The following CYP7B1 variants were observed in gnomAD, a reference collection of about 807,000 sequenced individuals.
The protein encoded by CYP7B1 is cytochrome P450 7B1.
CYP7B1 carries 29 observed loss-of-function variants against 42.7 expected under a neutral mutation model. The observed-to-expected ratio is 0.68, with a 90% CI of 0.51 to 0.93. CYP7B1 has a LOEUF of 0.93. CYP7B1 is among the 40% of genes least tolerant of loss of function. The probability of loss-of-function intolerance (pLI) is 0.00; values close to 1 mark genes in which losing one functional copy is unlikely to be tolerated. For missense variants in CYP7B1, 655 were observed against 600.5 expected (o/e 1.09, Z -0.95); for synonymous variants, 235 against 218.2 (o/e 1.08, Z -0.68).
At chr8:64,615,339 G>C (rs1805421786) in intron 3 of CYP7B1, 107 bp from the exon 4 acceptor site, 3 of 1,116,446 alleles carry the variant, frequency 2.7e-6, no homozygotes, top group Non-Finnish European at 3.9e-6. Context: ...CCAAGGATCA[G>C]TGCATGCTAA....
chr8:64,715,832 G>C (rs1043731785), intron 1 of CYP7B1, among the ~76,000 whole-genome samples: 1 of 152,212 alleles, frequency 6.6e-6, no homozygotes, highest in Non-Finnish European at 1.5e-5. Flanking sequence ...TGTAATTACA[G>C]TTGCAGGGGA....
At chr8:64,750,292 T>C (rs765767047) in intron 1 of CYP7B1, among the ~76,000 whole-genome samples, 1 of 152,156 alleles carries the variant, frequency 6.6e-6, no homozygotes, top group Admixed American at 6.6e-5. Context: ...AAGTGAGGCA[T>C]GGCAACCAAC....
In CYP7B1 at chr8:64,717,779, G is replaced by T. The variant is rs190352800; in HGVS notation, c.122+80687C>A. The stretch of plus-strand genomic sequence containing the variant: ...GGAAGATCACTTGAGCCCAGAAAGT[G>T]GAGGGTACGATAAGGTGAGATTGCA... On this transcript the variant is annotated intron_variant, in intron 1 of 5. Transcript: ENST00000310193. Among the ~76,000 whole-genome samples the T allele has an allele frequency of 2.0e-5, 3 of 152,072 alleles. No individual in the cohort carries two copies. In the East Asian group the frequency reaches 5.8e-4, roughly 29 times the overall value.
chr8:64,752,594 T>C (rs1807745798), intron 1 of CYP7B1, among the ~76,000 whole-genome samples: 1 of 152,156 alleles, frequency 6.6e-6, no homozygotes. Flanking sequence ...AGATACAGAA[T>C]GGGACTCAAG....
chr8:64,744,478 A>T (rs1807614657), intron 1 of CYP7B1, among the ~76,000 whole-genome samples: 1 of 152,206 alleles, frequency 6.6e-6, no homozygotes, highest in African/African-American at 2.4e-5. Context: ...AATTTAACAT[A>T]TTCAAGTAAA....
At chr8:64,699,234 T>G (rs1418939935) in intron 1 of CYP7B1, among the ~76,000 whole-genome samples, 1 of 152,132 alleles carries the variant, frequency 6.6e-6, no homozygotes, top group African/African-American at 2.4e-5. Context: ...TCTGAGTTGA[T>G]GGAGCCCCAG....
intron 1 of CYP7B1, among the ~76,000 whole-genome samples, chr8:64,625,853 C>CT (rs542934614): frequency 2.4e-4 from 36 of 148,612 alleles, no homozygotes; most frequent in South Asian, 1.9e-3. Context: ...TTCTTTCTTT[C>CT]TTTTTTTTTT....
At chr8:64,589,233 A>G (rs539912063), downstream of CYP7B1, among the ~76,000 whole-genome samples, 97 of 152,330 alleles carry the variant, frequency 6.4e-4, no homozygotes, top group African/African-American at 2.2e-3. Context: ...AAGATCAAGA[A>G]TCAACTAAGA....
chr8:64,677,565 G>A (rs760605045), intron 1 of CYP7B1, among the ~76,000 whole-genome samples: 80 of 151,496 alleles, frequency 5.3e-4, no homozygotes, highest in Non-Finnish European at 9.3e-4. Flanking sequence ...CAACTGAGGA[G>A]GACAGGCCAT....
chr8:64,691,804 G>C (rs1158294705), intron 1 of CYP7B1, among the ~76,000 whole-genome samples: 2 of 152,126 alleles, frequency 1.3e-5, no homozygotes, highest in African/African-American at 4.8e-5. Context: ...TGCCACAGTA[G>C]GGGGCAGAGC....
chr8:64,730,310 T>G (rs1394343912), intron 1 of CYP7B1, among the ~76,000 whole-genome samples: 1 of 152,056 alleles, frequency 6.6e-6, no homozygotes, highest in Admixed American at 6.6e-5. Context: ...CCTCAAGTGA[T>G]CCACCCTCCT....
chr8:64,655,823 C>A (rs1193927568), intron 1 of CYP7B1, among the ~76,000 whole-genome samples: 1 of 152,158 alleles, frequency 6.6e-6, no homozygotes, highest in South Asian at 2.1e-4. Context: ...GAATAGCATG[C>A]AACCATAAAA....
intron 2 of CYP7B1, among the ~76,000 whole-genome samples, chr8:64,618,590 T>TCTC (rs1805482620): frequency 5.1e-5 from 2 of 38,890 alleles, no homozygotes; most frequent in African/African-American, 9.8e-5. Context: ...CTCTCTCTCT[T>TCTC]TCTCTCTCTC....
intron 1 of CYP7B1, among the ~76,000 whole-genome samples, chr8:64,628,454 T>G (rs1805640495): frequency 6.6e-6 from 1 of 151,530 alleles, no homozygotes; most frequent in African/African-American, 2.4e-5. Flanking sequence ...GAGACCAGCC[T>G]GATCAACACA....
chr8:64,759,010 C>G (rs962050192), intron 1 of CYP7B1, among the ~76,000 whole-genome samples: 1 of 152,098 alleles, frequency 6.6e-6, no homozygotes, highest in African/African-American at 2.4e-5. Context: ...TGTTGATGAC[C>G]AAGAAGTTCA....
chr8:64,708,541 G>C (rs186942647), intron 1 of CYP7B1, among the ~76,000 whole-genome samples: 1 of 152,084 alleles, frequency 6.6e-6, no homozygotes, highest in East Asian at 1.9e-4. Context: ...GAACCTAGGC[G>C]TTTCAGTTTG....
At chr8:64,644,776 A>G (rs1337023710) in intron 1 of CYP7B1, among the ~76,000 whole-genome samples, 1 of 152,078 alleles carries the variant, frequency 6.6e-6, no homozygotes, top group Non-Finnish European at 1.5e-5. Context: ...TATTATTATT[A>G]TACTTTAAGT....
At chr8:64,702,371 C>T (rs973545755) in intron 1 of CYP7B1, among the ~76,000 whole-genome samples, 1 of 152,010 alleles carries the variant, frequency 6.6e-6, no homozygotes, top group Admixed American at 6.6e-5. Context: ...CGTATCACAA[C>T]CTGAAAGGGT....
At position 64,596,654 on chromosome 8, in the gene CYP7B1, T is replaced by C. The variant is rs1407904104; in HGVS notation, c.1509A>G (p.Lys503=). 1 of 1,612,774 alleles carries C rather than the reference T, an allele frequency of 6.2e-7. No homozygotes were observed. The highest frequency in any genetic ancestry group is 2.2e-5 in the East Asian group (1 of 44,840). Residue 503 remains lysine (K), a synonymous_variant, in exon 6 of 6, where the codon AAA becomes AAG. Coordinates refer to ENST00000310193, the MANE Select transcript of CYP7B1 (RefSeq NM_004820.5). ...CCTTTTAGCTTCTCTAAGATTTCACTTTGTATCTAAATAAAACATCAGAAT... is the reference window on the plus strand; with the variant it reads ...CCTTTTAGCTTCTCTAAGATTTCACCTTGTATCTAAATAAAACATCAGAAT... ...YPDSDVLFRY[K]VKS
Sources: gnomAD v4.1 joint callset for allele counts (sites outside exome capture counted in the v4.1 genomes callset) on GRCh38, gnomAD v4.1.1 for gene constraint, MANE v1.5 for transcripts, NCBI Gene and HGNC (gene_info 2026-07-23, HGNC 2026-07-21) for gene names.